Variants in RPL21 observed in about 807,000 individuals in gnomAD.
RPL21 encodes ribosomal protein L21.
Under a neutral mutation model 21.2 loss-of-function variants are expected in RPL21, and 1 was observed. That is an observed-to-expected ratio of 0.05 (90% confidence interval 0.02 to 0.22). The LOEUF is 0.22. Among genes scored for constraint, RPL21 ranks in the 10% least tolerant of loss-of-function variants. RPL21 has a pLI of 1.00. For synonymous variants in RPL21, 52 were observed against 62.9 expected (o/e 0.83, Z 0.82); for missense variants, 113 against 199.4 (o/e 0.57, Z 2.61).
intron 4 of RPL21, chr13:27,255,576 G>A (rs1469034159): frequency 1.4e-6 from 1 of 699,184 alleles, no homozygotes; most frequent in East Asian, 2.8e-5. Context: ...TAAGCGGTTT[G>A]TTTGTTTTGT....
intron 4 of RPL21, 184 bp from the exon 5 acceptor site, chr13:27,256,000 C>T: frequency 1.7e-6 from 1 of 603,552 alleles, no homozygotes; most frequent in Non-Finnish European, 3.0e-6. Flanking sequence ...GGGATGTTCT[C>T]TGCAAGGCCT....
At chr13:27,254,170 A>T in intron 2 of RPL21, 50 bp from the exon 3 acceptor site, 1 of 1,119,462 alleles carries the variant, frequency 8.9e-7, no homozygotes, top group Non-Finnish European at 1.4e-6. Context: ...CATTTCTTTT[A>T]CTCTAGATTT....
intron 3 of RPL21, chr13:27,254,539 CG>C (rs1881806503): frequency 2.1e-6 from 1 of 470,016 alleles, no homozygotes; most frequent in Non-Finnish European, 3.8e-6. Flanking sequence ...GGATTACAGG[CG>C]TGCACCATGA....
At position 27,253,734 on chromosome 13, in the gene RPL21, CG is replaced by C. The variant is rs753297971; in HGVS notation, c.-12-30del. The C allele has an allele frequency of 2.4e-6, 3 of 1,248,548 alleles. No individual in the cohort carries two copies. The East Asian group carries it at 6.9e-5, about 29-fold the overall frequency. The allele number at this position is 1,248,548 out of a possible 1,614,324, so 77.3% of individuals were successfully genotyped here. A position where few individuals can be genotyped will look rare whatever the true frequency, so the allele number is the denominator to read the frequency against. On this transcript the variant is annotated intron_variant, in intron 1 of 5. Coordinates refer to ENST00000311549, the MANE Select transcript of RPL21 (RefSeq NM_000982.4). ...TTTGGGGCAAATGCCAGTTTTCAGT[CG>C]TATTTGACTGTTCTGCTTTCTGGTT...
chr13:27,252,214 C>T lies in RPL21; in HGVS notation c.-13+629C>T, dbSNP rs887215445. On this transcript the variant is annotated intron_variant, in intron 1 of 5. Coordinates refer to ENST00000311549, the MANE Select transcript of RPL21 (RefSeq NM_000982.4). Reference sequence around the variant, plus strand: ...CCGACTGTTTTTAAAATTTTGACCCCACATGGTGATCGGACGAAGGGAAAG... The same window carrying T: ...CCGACTGTTTTTAAAATTTTGACCCTACATGGTGATCGGACGAAGGGAAAG... Among the ~76,000 whole-genome samples, 11 of 152,200 alleles carry T rather than the reference C, an allele frequency of 7.2e-5. No individual in the cohort carries two copies. The East Asian group carries it at 1.7e-3, about 24-fold the overall frequency.
At chr13:27,254,359 A>C (rs1881788716) in intron 3 of RPL21, 78 bp downstream of exon 3, 2 of 687,740 alleles carry the variant, frequency 2.9e-6, no homozygotes, top group Admixed American at 1.9e-5. Flanking sequence ...TTCAAATACT[A>C]GTGTATGTTG....
At position 27,251,594 on chromosome 13, in the gene RPL21, T is replaced by A. The variant is rs1369361631; in HGVS notation, c.-13+9T>A. The A allele has an allele frequency of 6.6e-6, 1 of 152,372 alleles. No individual in the cohort carries two copies. The highest frequency in any genetic ancestry group is 6.5e-5 in the Admixed American group (1 of 15,286). 9.4% of individuals were successfully genotyped at this position (152,372 alleles called of 1,614,324 possible). On this transcript the variant is annotated intron_variant, in intron 1 of 5. Transcript: ENST00000311549. Reference sequence around the variant, plus strand: ...GAACCGCCATCTTCCAGGTAGGGCCTACGCGTGGCTCCCGGGCGCTAGGTG... The same window carrying A: ...GAACCGCCATCTTCCAGGTAGGGCCAACGCGTGGCTCCCGGGCGCTAGGTG...
intron 4 of RPL21, chr13:27,255,604 C>T (rs947747420): frequency 5.0e-6 from 3 of 597,322 alleles, no homozygotes; most frequent in African/African-American, 3.6e-5. Context: ...CGGAGTCTTG[C>T]TCTGTCGCCC....
chr13:27,255,316 C>G lies in RPL21; in HGVS notation c.204C>G (p.Thr68=), dbSNP rs766975338. Residue 68 remains threonine (T), a synonymous_variant, in exon 4 of 6, where the codon ACC becomes ACG. Transcript: ENST00000311549. ...HGKTGRVYNV[T]QHAVGIVVNK... is the part of the protein sequence containing the mutation. ...AAACTGGAAGAGTCTACAATGTTAC[C>G]CAGCATGCTGTTGGCATTGTTGTAA... 23 of 1,471,474 alleles carry G rather than the reference C, an allele frequency of 1.6e-5. No individual in the cohort carries two copies. Among genetic ancestry groups the G allele is most frequent in the Admixed American group, 1.3e-4 (8 of 59,816 alleles). 91.2% of individuals were successfully genotyped at this position (1,471,474 alleles called of 1,614,324 possible).
At chr13:27,256,400 A>G (rs769365240) in intron 5 of RPL21, 36 bp from the exon 6 acceptor site, 15 of 1,564,534 alleles carry the variant, frequency 9.6e-6, no homozygotes, top group Middle Eastern at 1.7e-4. Flanking sequence ...AACACATCAC[A>G]TAATTATTTT....
chr13:27,251,820 T>A (rs1405569158), intron 1 of RPL21: 1 of 152,374 alleles, frequency 6.6e-6, no homozygotes, highest in African/African-American at 2.4e-5. Context: ...GGGGGGACAT[T>A]TGCGAGAAAG....
chr13:27,255,603 GCT>G, intron 4 of RPL21: 3 of 606,578 alleles, frequency 4.9e-6, no homozygotes, highest in Non-Finnish European at 9.3e-6. Flanking sequence ...ACGGAGTCTT[GCT>G]CTGTCGCCCT....
At chr13:27,253,929 G>A (rs1344266585) in intron 2 of RPL21, 86 bp downstream of exon 2, 23 of 843,814 alleles carry the variant, frequency 2.7e-5, no homozygotes, top group Non-Finnish European at 2.1e-6. Context: ...CATAGAATGT[G>A]TATCAATAGA....
intron 1 of RPL21, among the ~76,000 whole-genome samples, chr13:27,253,114 A>G (rs985922838): frequency 1.3e-5 from 2 of 152,226 alleles, no homozygotes; most frequent in Non-Finnish European, 2.9e-5. Context: ...CTCAGCTACG[A>G]AAGTGTTCAC....
intron 3 of RPL21, 165 bp from the exon 4 acceptor site, chr13:27,255,070 ATGATGAC>A (rs769332765): frequency 5.2e-6 from 4 of 764,948 alleles, no homozygotes; most frequent in Non-Finnish European, 9.6e-6. Context: ...CTCGAGCTTA[ATGATGAC>A]TGTTTTTTTT....
chr13:27,255,985 A>C, intron 4 of RPL21, 199 bp from the exon 5 acceptor site: 1 of 574,688 alleles, frequency 1.7e-6, no homozygotes, highest in Non-Finnish European at 3.1e-6. Flanking sequence ...AGAGAGTTAA[A>C]AGTAGGGATG....
chr13:27,254,210 A>G lies in RPL21; in HGVS notation c.68-10A>G. On this transcript the variant is annotated splice_polypyrimidine_tract_variant and intron_variant, in intron 2 of 5. Coordinates refer to ENST00000311549, the MANE Select transcript of RPL21 (RefSeq NM_000982.4). ...CCTTAATACTCACTATACCAAATTT[A>G]TTTTTGTAGGAGTTGTTCCTTTGGC... The G allele has an allele frequency of 6.4e-7, 1 of 1,564,518 alleles. No homozygotes were observed. The highest frequency in any genetic ancestry group is 8.8e-7 in the Non-Finnish European group (1 of 1,135,150).
chr13:27,255,180 C>A lies in RPL21; in HGVS notation c.130-62C>A. On this transcript the variant is annotated intron_variant, in intron 3 of 5. Coordinates refer to ENST00000311549, the MANE Select transcript of RPL21 (RefSeq NM_000982.4). ...GAAATCTTAGAATACTTTGCAGTTA[C>A]TTAAAGTCAGAATTTTAAAGGAAGG... The A allele has an allele frequency of 3.7e-6, 3 of 805,002 alleles. No homozygotes were observed. In the South Asian group the frequency reaches 4.0e-5, roughly 11 times the overall value. The allele number at this position is 805,002 out of a possible 1,614,324, so 49.9% of individuals were successfully genotyped here.
At chr13:27,254,480 T>C in intron 3 of RPL21, 199 bp downstream of exon 3, 1 of 525,170 alleles carries the variant, frequency 1.9e-6, no homozygotes, top group Non-Finnish European at 3.3e-6. Flanking sequence ...AACCTCCGCC[T>C]CCCTCCCGGA....
Sources: gnomAD v4.1 joint callset for allele counts (sites outside exome capture counted in the v4.1 genomes callset) on GRCh38, gnomAD v4.1.1 for gene constraint, MANE v1.5 for transcripts, NCBI Gene and HGNC (gene_info 2026-07-23, HGNC 2026-07-21) for gene names.